CBFA2T2: variants seen among roughly 807,000 people sequenced by gnomAD.
CBFA2T2 encodes CBFA2/RUNX1 partner transcriptional co-repressor 2, also known as protein CBFA2T2.
CBFA2T2 carries 11 observed loss-of-function variants against 62.2 expected under a neutral mutation model. That is an observed-to-expected ratio of 0.18 (90% CI 0.11 to 0.29). CBFA2T2 has a LOEUF of 0.29. Ranked by LOEUF, CBFA2T2 falls within the 10% of genes least tolerant of loss-of-function variation. CBFA2T2 has a pLI of 1.00. For missense variants in CBFA2T2, 592 were observed against 774.1 expected (o/e 0.76, Z 2.79); for synonymous variants, 295 against 287.5 (o/e 1.03, Z -0.27).
intron 2 of CBFA2T2, among the ~76,000 whole-genome samples, chr20:33,609,675 G>T (rs779908541): frequency 1.3e-5 from 2 of 152,202 alleles, no homozygotes; most frequent in Non-Finnish European, 2.9e-5. Context: ...TCAAATTTGA[G>T]TAAGGTTCAG....
Position 33,518,481 on chromosome 20 carries a change from G to A in CBFA2T2, c.34+28180G>A, listed in dbSNP as rs781594319. ...AACCAAACAGAAAATGAATTTGTCA[G>A]ACCAGGCACGGTGGCTCACTCCTGT... On this transcript the variant is annotated intron_variant, in intron 1 of 10. Coordinates refer to ENST00000342704, the MANE Select transcript of CBFA2T2 (RefSeq NM_001032999.3). Among the ~76,000 whole-genome samples, 261 of 152,072 alleles carry A rather than the reference G, an allele frequency of 1.7e-3. 2 individuals carry two copies. The highest frequency in any genetic ancestry group is 1.6e-3 in the Non-Finnish European group (109 of 68,008).
chr20:33,514,697 T>TTTA (rs914863061), intron 1 of CBFA2T2, among the ~76,000 whole-genome samples: 10 of 151,822 alleles, frequency 6.6e-5, no homozygotes, highest in Non-Finnish European at 5.9e-5. Flanking sequence ...ATTTATTTAT[T>TTTA]TTATTATTAT....
intron 1 of CBFA2T2, among the ~76,000 whole-genome samples, chr20:33,558,534 C>G (rs1568818386): frequency 6.6e-6 from 1 of 152,130 alleles, no homozygotes; most frequent in Non-Finnish European, 1.5e-5. Context: ...TTTCCACATT[C>G]TCGACTTTGC....
intron 3 of CBFA2T2, among the ~76,000 whole-genome samples, chr20:33,611,764 C>T (rs1050316099): frequency 6.6e-6 from 1 of 152,164 alleles, no homozygotes; most frequent in Non-Finnish European, 1.5e-5. Context: ...GTCTGCCTGT[C>T]TCGGCTTCCC....
chr20:33,541,781 A>C (rs909830875), intron 1 of CBFA2T2, among the ~76,000 whole-genome samples: 2 of 151,964 alleles, frequency 1.3e-5, no homozygotes, highest in African/African-American at 2.4e-5. Flanking sequence ...GGTACTTTTT[A>C]CTTGTTACTT....
intron 3 of CBFA2T2, among the ~76,000 whole-genome samples, chr20:33,614,608 C>G (rs1297288186): frequency 6.6e-6 from 1 of 152,162 alleles, no homozygotes; most frequent in Non-Finnish European, 1.5e-5. Context: ...TACTTTCTGT[C>G]CCTATGGATT....
At chr20:33,545,694 CCT>C (rs2012544792) in intron 1 of CBFA2T2, among the ~76,000 whole-genome samples, 1 of 152,146 alleles carries the variant, frequency 6.6e-6, no homozygotes, top group South Asian at 2.1e-4. Flanking sequence ...TTATCTGTCC[CCT>C]GTTGGCCTCC....
chr20:33,637,273 T>G (rs1190713045), intron 9 of CBFA2T2, among the ~76,000 whole-genome samples: 1 of 152,234 alleles, frequency 6.6e-6, no homozygotes, highest in Non-Finnish European at 1.5e-5. Context: ...ATATTGGCAT[T>G]CTTTCACTTC....
intron 2 of CBFA2T2, among the ~76,000 whole-genome samples, chr20:33,610,741 G>A (rs995871886): frequency 2.0e-5 from 3 of 152,070 alleles, no homozygotes; most frequent in Non-Finnish European, 2.9e-5. Flanking sequence ...TAAAAGATGG[G>A]CATGAGTATC....
chr20:33,545,391 G>T (rs1314841298), intron 1 of CBFA2T2, among the ~76,000 whole-genome samples: 1 of 150,710 alleles, frequency 6.6e-6, no homozygotes, highest in Non-Finnish European at 1.5e-5. Flanking sequence ...ATTGTTAGTG[G>T]GATTCCCAAA....
At chr20:33,587,271 GT>G in intron 1 of CBFA2T2, among the ~76,000 whole-genome samples, 1 of 149,496 alleles carries the variant, frequency 6.7e-6, no homozygotes, top group Admixed American at 6.7e-5. Flanking sequence ...GTTTTGTTTT[GT>G]TTTGTTTTGT....
intron 9 of CBFA2T2, among the ~76,000 whole-genome samples, chr20:33,638,246 A>G (rs1035086046): frequency 1.3e-5 from 2 of 151,986 alleles, no homozygotes; most frequent in Non-Finnish European, 2.9e-5. Context: ...AAGTGCTAGG[A>G]TTAGGATTAC....
chr20:33,623,559 A>ATGTTTGTT lies in CBFA2T2; in HGVS notation c.692+297_692+304dup, dbSNP rs72452489. ...AGGCACGTGCCACCATGACCAGCTA[A>ATGTTTGTT]TGTTTGTTTGTTTGTTTGTTTGTTT... On this transcript the variant is annotated intron_variant, in intron 5 of 10. Coordinates refer to ENST00000342704, the MANE Select transcript of CBFA2T2 (RefSeq NM_001032999.3). Among the ~76,000 whole-genome samples, 825 of 148,878 alleles carry ATGTTTGTT rather than the reference A, an allele frequency of 5.5e-3. 2 individuals carry two copies. Among genetic ancestry groups the ATGTTTGTT allele is most frequent in the African/African-American group, 0.012 (477 of 40,074 alleles).
chr20:33,642,114 T>G (rs77017273), intron 10 of CBFA2T2, among the ~76,000 whole-genome samples: 2,204 of 62,756 alleles, frequency 0.035, 37 homozygotes, highest in Admixed American at 0.083. Context: ...TCTTTTTTTT[T>G]TTTGTGTGTG....
At chr20:33,549,817 G>C (rs1386743381) in intron 1 of CBFA2T2, among the ~76,000 whole-genome samples, 1 of 150,922 alleles carries the variant, frequency 6.6e-6, no homozygotes, top group East Asian at 1.9e-4. Flanking sequence ...TCCAAGTACA[G>C]CACATGTCTG....
chr20:33,595,805 G>A (rs957597907), intron 1 of CBFA2T2, among the ~76,000 whole-genome samples: 3 of 152,182 alleles, frequency 2.0e-5, no homozygotes, highest in African/African-American at 7.2e-5. Context: ...CTCCCAAAGT[G>A]CTGGGATTAC....
chr20:33,602,635 C>T (rs966560880), intron 1 of CBFA2T2, among the ~76,000 whole-genome samples: 1 of 151,834 alleles, frequency 6.6e-6, no homozygotes, highest in African/African-American at 2.4e-5. Context: ...AGTATTGAAC[C>T]CTACATACAT....
intron 1 of CBFA2T2, among the ~76,000 whole-genome samples, chr20:33,533,111 C>T (rs2012105577): frequency 1.3e-5 from 2 of 151,544 alleles, no homozygotes; most frequent in South Asian, 4.2e-4. Flanking sequence ...TTGTTTTATT[C>T]TTTCACTAAA....
At chr20:33,637,721 G>A (rs1211422714) in intron 9 of CBFA2T2, among the ~76,000 whole-genome samples, 1 of 151,140 alleles carries the variant, frequency 6.6e-6, no homozygotes, top group East Asian at 1.9e-4. Context: ...AGGCTGGAGT[G>A]CAACGGTGTG....
Sources: gnomAD v4.1 joint callset for allele counts (sites outside exome capture counted in the v4.1 genomes callset) on GRCh38, gnomAD v4.1.1 for gene constraint, MANE v1.5 for transcripts, NCBI Gene and HGNC (gene_info 2026-07-23, HGNC 2026-07-21) for gene names.